ERBIN: variants seen among roughly 807,000 people sequenced by gnomAD.
ERBIN encodes densin-180-like protein.
A neutral mutation model predicts 158.4 loss-of-function variants in ERBIN; 60 were observed. The ratio of observed to expected loss-of-function variants is 0.38; its 90% confidence interval spans 0.31 to 0.47. The LOEUF is 0.47. Ranked by LOEUF, ERBIN falls within the 20% of genes least tolerant of loss-of-function variation. The pLI is 0.99. For missense variants in ERBIN, 1,610 were observed against 1,648.0 expected (o/e 0.98, Z 0.40); for synonymous variants, 594 against 557.2 (o/e 1.07, Z -0.93).
intron 4 of ERBIN, among the ~76,000 whole-genome samples, chr5:66,000,495 T>C (rs984549854): frequency 2.0e-5 from 3 of 152,164 alleles, no homozygotes; most frequent in Non-Finnish European, 4.4e-5. Flanking sequence ...TTTTAAACAA[T>C]TATTTCAACC....
intron 1 of ERBIN, among the ~76,000 whole-genome samples, chr5:65,959,663 C>G (rs11957863): frequency 0.021 from 3,195 of 152,254 alleles, 118 homozygotes; most frequent in African/African-American, 0.071. Flanking sequence ...TCAAATTCAT[C>G]TGGTTCTCAA....
At chr5:65,989,478 A>G (rs1018431550) in intron 2 of ERBIN, among the ~76,000 whole-genome samples, 1 of 152,210 alleles carries the variant, frequency 6.6e-6, no homozygotes, top group African/African-American at 2.4e-5. Context: ...TTTCAACTCT[A>G]TTTAGCTTCC....
chr5:66,068,050 C>G (rs958930945), intron 21 of ERBIN, among the ~76,000 whole-genome samples: 2 of 151,950 alleles, frequency 1.3e-5, no homozygotes, highest in Non-Finnish European at 2.9e-5. Flanking sequence ...AAATGTGGTC[C>G]GGCACAGTGG....
intron 1 of ERBIN, among the ~76,000 whole-genome samples, chr5:65,947,079 CAG>C (rs1745850953): frequency 6.6e-6 from 1 of 152,032 alleles, no homozygotes; most frequent in South Asian, 2.1e-4. Flanking sequence ...GCATCTTTTG[CAG>C]AACAAAAGCT....
intron 1 of ERBIN, among the ~76,000 whole-genome samples, chr5:65,963,851 G>A (rs1424405959): frequency 1.3e-5 from 2 of 148,278 alleles, no homozygotes; most frequent in African/African-American, 2.5e-5. Context: ...GTGCAGTGGT[G>A]CGATTTCAAC....
intron 1 of ERBIN, among the ~76,000 whole-genome samples, chr5:65,932,290 G>A (rs1284212172): frequency 6.9e-6 from 1 of 145,506 alleles, no homozygotes; most frequent in African/African-American, 2.6e-5. Context: ...AGTGAGCCGA[G>A]ATCGCGCCAC....
At chr5:66,014,578 C>T (rs1002674920) in intron 6 of ERBIN, 91 bp from the exon 7 acceptor site, 4 of 607,580 alleles carry the variant, frequency 6.6e-6, no homozygotes, top group Non-Finnish European at 1.1e-5. Context: ...TACACAATTA[C>T]ATTGCTTCCT....
At position 66,051,519 on chromosome 5, in the gene ERBIN, G is replaced by A. The variant is rs42906; in HGVS notation, c.2087+553G>A. ...CAGTGGGTTTGAAAAGAAAAAAAAA[G>A]AAGAAATTTGGTTATCAGAGTAAGG... is the stretch of plus-strand genomic sequence containing the variant. On this transcript the variant is annotated intron_variant, in intron 20 of 25. Transcript: ENST00000284037. Among the ~76,000 whole-genome samples, 1,208 of 152,162 alleles carry A rather than the reference G, an allele frequency of 7.9e-3. 7 individuals carry two copies. Among genetic ancestry groups the A allele is most frequent in the Non-Finnish European group, 0.011 (731 of 67,966 alleles).
chr5:66,054,758 C>T lies in ERBIN; in HGVS notation c.3440C>T (p.Pro1147Leu). 2 of 1,613,980 alleles carry T rather than the reference C, an allele frequency of 1.2e-6. No homozygotes were observed. The highest frequency in any genetic ancestry group is 8.5e-7 in the Non-Finnish European group (1 of 1,179,978). The change falls in exon 21 of 26, where the codon CCC becomes CTC. Residue 1147 changes from proline to leucine, a missense_variant. Coordinates refer to ENST00000284037, the MANE Select transcript of ERBIN (RefSeq NM_001253697.2). ...PNASRPQSARPSINEIPERTM... is the reference protein window; with the variant it reads ...PNASRPQSARLSINEIPERTM... ...GCATCAAGACCTCAGAGTGCTCGAC[C>T]CTCTATTAATGAAATACCAGAGAGA... is the stretch of plus-strand genomic sequence containing the variant.
At chr5:65,970,152 T>C (rs1488429000) in intron 1 of ERBIN, among the ~76,000 whole-genome samples, 1 of 152,208 alleles carries the variant, frequency 6.6e-6, no homozygotes, top group Non-Finnish European at 1.5e-5. Flanking sequence ...TAATGACTTT[T>C]GTTTATTAAA....
intron 1 of ERBIN, among the ~76,000 whole-genome samples, chr5:65,934,139 G>C (rs1187160609): frequency 1.3e-5 from 2 of 152,118 alleles, no homozygotes; most frequent in East Asian, 1.9e-4. Context: ...GTCATGATTT[G>C]CCTGCCTTGG....
chr5:65,978,466 A>G (rs151117567), intron 1 of ERBIN, among the ~76,000 whole-genome samples: 26 of 132,318 alleles, frequency 2.0e-4, no homozygotes, highest in African/African-American at 6.1e-4. Flanking sequence ...AGATTCTTCA[A>G]CCTTGATCTA....
chr5:65,928,067 A>T lies in ERBIN; in HGVS notation c.-58+1261A>T, dbSNP rs182893550. Among the ~76,000 whole-genome samples the T allele has an allele frequency of 8.5e-5, 13 of 152,208 alleles. No individual in the cohort carries two copies. In the East Asian group the frequency reaches 2.5e-3, roughly 29 times the overall value. On this transcript the variant is annotated intron_variant, in intron 1 of 25. Transcript: ENST00000284037. ...ACGTAATGACCGGAAACCCGAGGAG[A>T]GAGTTGATTTTCTTTAGTTCAAAGA... is the stretch of plus-strand genomic sequence containing the variant.
intron 1 of ERBIN, among the ~76,000 whole-genome samples, chr5:65,951,307 T>G (rs891219489): frequency 7.2e-5 from 11 of 152,254 alleles, no homozygotes; most frequent in Admixed American, 4.6e-4. Context: ...GAAATAAGTT[T>G]CATGAGGGCA....
intron 1 of ERBIN, among the ~76,000 whole-genome samples, chr5:65,977,104 C>G (rs1361643766): frequency 6.7e-6 from 1 of 148,428 alleles, no homozygotes; most frequent in Non-Finnish European, 1.5e-5. Flanking sequence ...CGGGCAGAGG[C>G]GCCCCTCACC....
chr5:66,063,586 G>A (rs152934), intron 21 of ERBIN, among the ~76,000 whole-genome samples: 25,424 of 152,038 alleles, frequency 0.17, 2,691 homozygotes, highest in East Asian at 0.46. Flanking sequence ...AGATGAACCC[G>A]GTACCTCAGT....
chr5:65,994,707 A>T, intron 3 of ERBIN, 40 bp from the exon 4 acceptor site: 1 of 1,098,992 alleles, frequency 9.1e-7, no homozygotes, highest in Non-Finnish European at 1.4e-6. Flanking sequence ...ATATTTAAAG[A>T]TGTATATAAT....
chr5:66,012,051 A>G lies in ERBIN; in HGVS notation c.310A>G (p.Ile104Val), dbSNP rs758609897. The part of the protein sequence containing the change: ...LRELDVSKNG[I>V]QEFPENIKNC... Reference sequence around the variant, plus strand: ...TTTGATCGTTGTTTGTTTTCTAGGAATACAGGAGTTTCCAGAAAATATAAA... The same window carrying G: ...TTTGATCGTTGTTTGTTTTCTAGGAGTACAGGAGTTTCCAGAAAATATAAA... The change falls in exon 5 of 26, where the codon ATA (isoleucine) becomes GTA (valine). Residue 104 changes from isoleucine to valine, a missense_variant and splice_region_variant. Physicochemically the swap from Ile to Val is conservative, Grantham distance 29. Around this residue, in one of 2 missense-constraint regions of ERBIN, gnomAD observed 596 missense variants for 711.9 expected, o/e 0.84. Transcript: ENST00000284037. The G allele has an allele frequency of 1.3e-6, 2 of 1,592,708 alleles. No individual in the cohort carries two copies. Among genetic ancestry groups the G allele is most frequent in the Non-Finnish European group, 1.7e-6 (2 of 1,164,054 alleles).
intron 7 of ERBIN, among the ~76,000 whole-genome samples, chr5:66,017,436 A>AT (rs200636331): frequency 0.032 from 4,818 of 150,394 alleles, 129 homozygotes; most frequent in African/African-American, 0.073. Context: ...AGTGATGATC[A>AT]TTTTTTCATA....
Sources: allele counts gnomAD v4.1 joint callset (sites outside exome capture counted in the v4.1 genomes callset), GRCh38; gene constraint gnomAD v4.1.1; regional missense constraint gnomAD v4.1.1; transcripts MANE v1.5; gene names NCBI Gene and HGNC (gene_info 2026-07-23, HGNC 2026-07-21).